The following CNBD1 variants were observed in gnomAD, a reference collection of about 807,000 sequenced individuals.
CNBD1 encodes cyclic nucleotide-binding domain-containing protein 1.
Under a neutral mutation model 54.4 loss-of-function variants are expected in CNBD1, and 71 were observed. The observed-to-expected ratio is 1.30, with a 90% CI of 1.08 to 1.59. The LOEUF is 1.59. CNBD1 is among the 40% of genes most tolerant of loss of function. The pLI is 0.00. For missense variants in CNBD1, 659 were observed against 518.0 expected, an observed-to-expected ratio of 1.27 and a Z score of -2.64; for synonymous variants, 182 against 170.7, an observed-to-expected ratio of 1.07 and a Z score of -0.51.
rs186382098 is a variant in CNBD1 at position 87,192,194 on chromosome 8, A to T, written c.432-13799A>T. Reference sequence around the variant, plus strand: ...TAGACAACTAATTCATAAAATTATAATTTTTTTCTAGATTTGATGATGTTT... The same window carrying T: ...TAGACAACTAATTCATAAAATTATATTTTTTTTCTAGATTTGATGATGTTT... On this transcript the variant is annotated intron_variant, in intron 4 of 10. Coordinates refer to ENST00000518476, the MANE Select transcript of CNBD1 (RefSeq NM_173538.3). Among the ~76,000 whole-genome samples the T allele has an allele frequency of 4.6e-5, 7 of 152,154 alleles. No individual in the cohort carries two copies. In the East Asian group the frequency reaches 9.7e-4, roughly 21 times the overall value.
At chr8:86,918,931 A>G (rs1435090948) in intron 3 of CNBD1, among the ~76,000 whole-genome samples, 1 of 151,456 alleles carries the variant, frequency 6.6e-6, no homozygotes, top group African/African-American at 2.4e-5. Flanking sequence ...AATGACTATT[A>G]TTTCACTCTA....
intron 8 of CNBD1, among the ~76,000 whole-genome samples, chr8:87,317,936 A>G (rs1809432710): frequency 6.6e-6 from 1 of 151,766 alleles, no homozygotes; most frequent in African/African-American, 2.4e-5. Flanking sequence ...GTGAATTTCT[A>G]TTGGTGTGTC....
chr8:87,423,997 A>G (rs1807994390), intron 2 of CNBD1, among the ~76,000 whole-genome samples: 1 of 152,292 alleles, frequency 6.6e-6, no homozygotes, highest in East Asian at 1.9e-4. Context: ...TTCCTGGTTT[A>G]GTCTTGGGAG....
chr8:87,329,468 A>C lies in CNBD1; in HGVS notation c.1043-22217A>C, dbSNP rs1296011936. ...TTATGGGAATTTTAATTGATATTGC[A>C]TAGCATCTGTATATTATTTTGGGAA... On this transcript the variant is annotated intron_variant, in intron 8 of 10. Coordinates refer to ENST00000518476, the MANE Select transcript of CNBD1 (RefSeq NM_173538.3). 2.0e-5 allele frequency among the ~76,000 whole-genome samples: 3 copies of C among 152,236 alleles called. No homozygotes were observed. In the East Asian group the frequency reaches 5.8e-4, roughly 29 times the overall value.
At chr8:87,121,735 T>G (rs757385104) in intron 4 of CNBD1, among the ~76,000 whole-genome samples, 20 of 151,754 alleles carry the variant, frequency 1.3e-4, no homozygotes, top group Non-Finnish European at 1.9e-4. Context: ...TCAACTTTCT[T>G]AGATTTCACA....
rs1317425658 is a variant in CNBD1 at position 86,996,103 on chromosome 8, A to C, written c.431+56349A>C. Among the ~76,000 whole-genome samples the C allele has an allele frequency of 2.0e-5, 3 of 152,262 alleles. No homozygotes were observed. In the East Asian group the frequency reaches 5.8e-4, roughly 29 times the overall value. On this transcript the variant is annotated intron_variant, in intron 4 of 10. Transcript: ENST00000518476. ...CCTGGTAATTTGGCTTCTGTTATCT[A>C]AAGGATCAGCTTCTCCTGTTTATTA...
At chr8:87,172,165 A>ATTC in intron 4 of CNBD1, among the ~76,000 whole-genome samples, 2 of 152,078 alleles carry the variant, frequency 1.3e-5, no homozygotes, top group East Asian at 3.9e-4. Flanking sequence ...AACAAGAAGA[A>ATTC]TTCTTGTTAA....
intron 6 of CNBD1, among the ~76,000 whole-genome samples, chr8:87,248,179 A>G (rs1807845285): frequency 6.6e-6 from 1 of 152,228 alleles, no homozygotes. Context: ...CAACATTGGT[A>G]GACTCATCAA....
intron 8 of CNBD1, among the ~76,000 whole-genome samples, chr8:87,346,184 G>C (rs1810172644): frequency 6.6e-6 from 1 of 151,976 alleles, no homozygotes; most frequent in South Asian, 2.1e-4. Context: ...TGAGATTACA[G>C]GCATGCGCCA....
intron 2 of CNBD1, among the ~76,000 whole-genome samples, chr8:87,399,499 T>G (rs1189620746): frequency 6.6e-6 from 1 of 152,036 alleles, no homozygotes; most frequent in Non-Finnish European, 1.5e-5. Flanking sequence ...GGAATGAGAC[T>G]ACTAGATTTC....
At chr8:87,412,964 G>A (rs1807773560) in intron 2 of CNBD1, among the ~76,000 whole-genome samples, 1 of 152,048 alleles carries the variant, frequency 6.6e-6, no homozygotes, top group Admixed American at 6.6e-5. Context: ...TCCTTGTCCT[G>A]TACCTGTGAA....
chr8:87,306,699 G>A (rs1472482234), intron 8 of CNBD1, among the ~76,000 whole-genome samples: 1 of 151,950 alleles, frequency 6.6e-6, no homozygotes, highest in African/African-American at 2.4e-5. Flanking sequence ...CCGATATGTC[G>A]GAACTAAGCT....
intron 8 of CNBD1, among the ~76,000 whole-genome samples, chr8:87,316,179 ATAT>A (rs1168873575): frequency 6.6e-6 from 1 of 152,060 alleles, no homozygotes; most frequent in African/African-American, 2.4e-5. Context: ...GCAAGCTGTA[ATAT>A]TGTTGCATAC....
chr8:87,075,114 G>A (rs140532535), intron 4 of CNBD1, among the ~76,000 whole-genome samples: 4 of 152,212 alleles, frequency 2.6e-5, no homozygotes, highest in African/African-American at 9.6e-5. Context: ...GAGCACTATG[G>A]CACATAGTGA....
chr8:87,170,114 G>A (rs1028627018), intron 4 of CNBD1, among the ~76,000 whole-genome samples: 19 of 151,912 alleles, frequency 1.3e-4, no homozygotes, highest in Non-Finnish European at 2.2e-4. Flanking sequence ...TCATTGTAGA[G>A]AACTTTCACT....
intron 4 of CNBD1, among the ~76,000 whole-genome samples, chr8:87,198,431 A>C (rs1429747648): frequency 6.6e-6 from 1 of 152,234 alleles, no homozygotes; most frequent in African/African-American, 2.4e-5. Context: ...TTAGTTTTCA[A>C]CAAAAATTAT....
At chr8:86,918,412 G>A (rs1027838669) in intron 3 of CNBD1, among the ~76,000 whole-genome samples, 30 of 152,070 alleles carry the variant, frequency 2.0e-4, no homozygotes, top group African/African-American at 6.5e-4. Flanking sequence ...AAAGGTAAGT[G>A]TAAGCATGCT....
intron 4 of CNBD1, among the ~76,000 whole-genome samples, chr8:86,979,946 T>G (rs1808444530): frequency 6.6e-6 from 1 of 152,236 alleles, no homozygotes; most frequent in Non-Finnish European, 1.5e-5. Context: ...ATTACTTTAC[T>G]TATAATAAAG....
chr8:87,334,480 T>C (rs1432174042), intron 8 of CNBD1, among the ~76,000 whole-genome samples: 1 of 152,074 alleles, frequency 6.6e-6, no homozygotes, highest in Admixed American at 6.5e-5. Context: ...AGGGTGTTGA[T>C]TTGAGATATC....
Sources: allele counts gnomAD v4.1 joint callset (sites outside exome capture counted in the v4.1 genomes callset), GRCh38; gene constraint gnomAD v4.1.1; transcripts MANE v1.5; gene names NCBI Gene and HGNC (gene_info 2026-07-23, HGNC 2026-07-21).